RALYL: variants seen among roughly 807,000 people sequenced by gnomAD.
RALYL encodes RNA-binding Raly-like protein.
A neutral mutation model predicts 35.1 loss-of-function variants in RALYL; 29 were observed. The ratio of observed to expected loss-of-function variants is 0.83; its 90% CI spans 0.61 to 1.13. The LOEUF (loss-of-function observed/expected upper bound fraction) is 1.13. Among genes scored for constraint, RALYL ranks in the 50% most tolerant of loss-of-function variants. The pLI, the probability that RALYL is intolerant of heterozygous loss-of-function variation, is 0.00. For missense variants in RALYL, 359 were observed against 360.4 expected (o/e 1.00, Z 0.03); for synonymous variants, 120 against 127.6 (o/e 0.94, Z 0.40).
intron 8 of RALYL, among the ~76,000 whole-genome samples, chr8:84,920,354 T>C (rs1849126127): frequency 6.6e-6 from 1 of 152,130 alleles, no homozygotes; most frequent in Non-Finnish European, 1.5e-5. Context: ...TCTTACATAA[T>C]GCTTCAGACT....
chr8:84,433,225 G>A (rs1351396515), intron 1 of RALYL, among the ~76,000 whole-genome samples: 1 of 152,012 alleles, frequency 6.6e-6, no homozygotes, highest in Non-Finnish European at 1.5e-5. Context: ...TTCTTGACAT[G>A]GAAGTTTCTT....
At chr8:84,380,559 GA>G (rs1857773405) in intron 1 of RALYL, among the ~76,000 whole-genome samples, 1 of 151,880 alleles carries the variant, frequency 6.6e-6, no homozygotes, top group Non-Finnish European at 1.5e-5. Flanking sequence ...AGAGAAACGG[GA>G]AAGCTTACTC....
At chr8:84,835,882 A>G (rs1334919605) in intron 4 of RALYL, among the ~76,000 whole-genome samples, 1 of 152,016 alleles carries the variant, frequency 6.6e-6, no homozygotes, top group Non-Finnish European at 1.5e-5. Flanking sequence ...AGAGCCAGAC[A>G]GAGCGTAGGT....
chr8:84,351,998 A>G (rs1850988860), intron 1 of RALYL, among the ~76,000 whole-genome samples: 1 of 150,398 alleles, frequency 6.6e-6, no homozygotes, highest in South Asian at 2.1e-4. Context: ...ATGGAAATAT[A>G]TGTGTGTAAA....
At chr8:84,822,969 C>A (rs114543106) in intron 4 of RALYL, among the ~76,000 whole-genome samples, 1,631 of 152,202 alleles carry the variant, frequency 0.011, 31 homozygotes, top group African/African-American at 0.036. Flanking sequence ...AGATGCAAAG[C>A]AAGATGCGAG....
chr8:84,347,779 A>C (rs1478299348), intron 1 of RALYL, among the ~76,000 whole-genome samples: 1 of 152,136 alleles, frequency 6.6e-6, no homozygotes, highest in Non-Finnish European at 1.5e-5. Flanking sequence ...GCCTCTGCAC[A>C]GGATTAGCAT....
chr8:84,715,138 G>A (rs1191980071), intron 2 of RALYL, among the ~76,000 whole-genome samples: 1 of 151,750 alleles, frequency 6.6e-6, no homozygotes, highest in African/African-American at 2.4e-5. Context: ...TTAAAACTTT[G>A]TTTTCATCCA....
chr8:84,826,565 C>T lies in RALYL; in HGVS notation c.365+21763C>T, dbSNP rs140481853. ...TATTAGGCCAGTATGAGACTGCTCT[C>T]TATTTGGGAATTAGCAGTTTATCAT... On this transcript the variant is annotated intron_variant, in intron 4 of 8. Transcript: ENST00000521268. Among the ~76,000 whole-genome samples the T allele has an allele frequency of 2.6e-4, 39 of 152,212 alleles. No individual in the cohort carries two copies. The East Asian group carries it at 7.3e-3, about 29-fold the overall frequency.
intron 1 of RALYL, among the ~76,000 whole-genome samples, chr8:84,482,215 C>A (rs1480849481): frequency 6.6e-6 from 1 of 151,898 alleles, no homozygotes; most frequent in Non-Finnish European, 1.5e-5. Context: ...ATACAGCTCT[C>A]CTTTGTTTAA....
chr8:84,260,079 C>A (rs1480909294), intron 1 of RALYL, among the ~76,000 whole-genome samples: 1 of 152,098 alleles, frequency 6.6e-6, no homozygotes, highest in East Asian at 1.9e-4. Flanking sequence ...AAGGATTGCA[C>A]TTACAAGTTA....
chr8:84,495,670 A>G (rs2055920764), intron 1 of RALYL, among the ~76,000 whole-genome samples: 1 of 152,016 alleles, frequency 6.6e-6, no homozygotes, highest in South Asian at 2.1e-4. Flanking sequence ...ATTTTTGTTT[A>G]CCTTTACTCT....
chr8:84,544,159 T>A (rs1454006193), intron 2 of RALYL, among the ~76,000 whole-genome samples: 1 of 152,076 alleles, frequency 6.6e-6, no homozygotes, highest in East Asian at 1.9e-4. Context: ...TGAGGTTATG[T>A]CACCAAGTAA....
intron 1 of RALYL, among the ~76,000 whole-genome samples, chr8:84,524,249 T>A (rs2058706296): frequency 6.6e-6 from 1 of 152,018 alleles, no homozygotes; most frequent in Admixed American, 6.6e-5. Flanking sequence ...CAAACAGATT[T>A]ACAAGAAAAA....
intron 1 of RALYL, among the ~76,000 whole-genome samples, chr8:84,467,081 T>A (rs557734818): frequency 3.3e-5 from 5 of 152,096 alleles, no homozygotes; most frequent in African/African-American, 1.2e-4. Context: ...TGTTGATCCT[T>A]TCAAAAAACC....
chr8:84,680,948 T>A (rs1023595289), intron 2 of RALYL, among the ~76,000 whole-genome samples: 1 of 152,028 alleles, frequency 6.6e-6, no homozygotes, highest in African/African-American at 2.4e-5. Flanking sequence ...TGAATGGTAA[T>A]GCCTAGGTTT....
At chr8:84,495,159 T>A (rs1037792849) in intron 1 of RALYL, among the ~76,000 whole-genome samples, 15 of 152,144 alleles carry the variant, frequency 9.9e-5, no homozygotes, top group Non-Finnish European at 1.8e-4. Flanking sequence ...GATAATCATG[T>A]GGTTTTTGTC....
At chr8:84,485,400 C>T (rs895000258) in intron 1 of RALYL, among the ~76,000 whole-genome samples, 1 of 152,008 alleles carries the variant, frequency 6.6e-6, no homozygotes, top group Non-Finnish European at 1.5e-5. Flanking sequence ...TCCAGCATGG[C>T]AAAACCCCAT....
intron 1 of RALYL, among the ~76,000 whole-genome samples, chr8:84,319,991 G>T (rs1053763497): frequency 1.3e-5 from 2 of 151,926 alleles, no homozygotes; most frequent in African/African-American, 4.8e-5. Flanking sequence ...CATAAATGGT[G>T]TCAGTGTGTA....
intron 2 of RALYL, among the ~76,000 whole-genome samples, chr8:84,753,002 G>A (rs1367240152): frequency 1.3e-5 from 2 of 152,086 alleles, no homozygotes; most frequent in East Asian, 1.9e-4. Context: ...AGATCCACTG[G>A]CAGCTTGCAT....
Sources: gnomAD v4.1 joint callset for allele counts (sites outside exome capture counted in the v4.1 genomes callset) on GRCh38, gnomAD v4.1.1 for gene constraint, MANE v1.5 for transcripts, NCBI Gene and HGNC (gene_info 2026-07-23, HGNC 2026-07-21) for gene names.